The following OR5T1 variants were observed in gnomAD, a reference collection of about 807,000 sequenced individuals.
OR5T1 encodes the protein olfactory receptor family 5 subfamily T member 1.
Under a neutral mutation model 10.1 loss-of-function variants are expected in OR5T1, and 14 were observed. The ratio of observed to expected loss-of-function variants is 1.39; its 90% CI spans 0.92 to 2.18. OR5T1 has a LOEUF of 2.18. Among genes scored for constraint, OR5T1 ranks in the 30% most tolerant of loss-of-function variants. The pLI is 0.00. For missense variants in OR5T1, 461 were observed against 383.9 expected (o/e 1.20, Z -1.68); for synonymous variants, 166 against 141.2 (o/e 1.18, Z -1.24).
At position 56,276,412 on chromosome 11, in the gene OR5T1, T is replaced by C; in HGVS notation, c.774T>C (p.Thr258=). ...KVFSTCGAHL[T]GVTIYHGTIL... Reference sequence around the variant, plus strand: ...TCTCTACATGTGGAGCTCACCTAACTGGAGTGACAATTTATCATGGGACAA... The same window carrying C: ...TCTCTACATGTGGAGCTCACCTAACCGGAGTGACAATTTATCATGGGACAA... The change falls in exon 3 of 3, where the codon ACT becomes ACC. Residue 258 remains threonine (T), a synonymous_variant. Transcript: ENST00000641665. 6.2e-7 allele frequency: 1 copy of C among 1,614,080 alleles called. No individual in the cohort carries two copies. Among genetic ancestry groups the C allele is most frequent in the Non-Finnish European group, 8.5e-7 (1 of 1,179,972 alleles).
chr11:56,275,919 TG>T lies in OR5T1; in HGVS notation c.283del (p.Val95SerfsTer42), dbSNP rs756442491. On this transcript the variant is annotated frameshift_variant, in exon 3 of 3. Transcript: ENST00000641665. LOFTEE classifies it high-confidence loss of function. Reference protein sequence around the residue: ...CYSTVVTPKMLVNFLAKNKSI... With the variant: ...CYSTVVTPKMXVNFLAKNKSI... The stretch of plus-strand genomic sequence containing the variant: ...TCTACAGTTGTCACTCCAAAAATGT[TG>T]GTCAATTTCCTGGCAAAAAATAAAT... 1.2e-6 allele frequency: 2 copies of T among 1,614,206 alleles called. No homozygotes were observed. The highest frequency in any genetic ancestry group is 1.7e-6 in the Non-Finnish European group (2 of 1,180,028).
Position 56,276,452 on chromosome 11 carries a change from G to A in OR5T1, c.814G>A (p.Val272Met), listed in dbSNP as rs1487692017. 5 of 1,613,924 alleles carry A rather than the reference G, an allele frequency of 3.1e-6. No individual in the cohort carries two copies. The highest frequency in any genetic ancestry group is 2.2e-5 in the South Asian group (2 of 91,088). ...TCATGGGACAATCCTCTTCATGTAT[G>A]TGAGACCAAGTTCCAGCTACACTTC... Reference protein sequence around the residue: ...IYHGTILFMYVRPSSSYTSDN... With the variant: ...IYHGTILFMYMRPSSSYTSDN... The change falls in exon 3 of 3, where the codon GTG (valine) becomes ATG (methionine). Residue 272 changes from valine to methionine, a missense_variant. Val to Met is a conservative substitution (Grantham distance 21). Transcript: ENST00000641665.
Position 56,275,701 on chromosome 11 carries a change from C to T in OR5T1, c.63C>T (p.Val21=). The T allele has an allele frequency of 1.9e-6, 3 of 1,606,188 alleles. No individual in the cohort carries two copies. Among genetic ancestry groups the T allele is most frequent in the Non-Finnish European group, 2.6e-6 (3 of 1,174,142 alleles). Residue 21 remains valine (V), a synonymous_variant, in exon 3 of 3, where the codon GTC becomes GTT. Coordinates refer to ENST00000641665, the MANE Select transcript of OR5T1 (RefSeq NM_001004745.2). ...YKLQLNNFTE[V]TMFILISFTE... Reference sequence around the variant, plus strand: ...TTCAATTAAACAATTTTACTGAAGTCACCATGTTTATATTAATAAGCTTCA... The same window carrying T: ...TTCAATTAAACAATTTTACTGAAGTTACCATGTTTATATTAATAAGCTTCA...
intron 2 of OR5T1, 85 bp downstream of exon 2, chr11:56,274,838 ATAAATTT>A (rs1158391978): frequency 6.6e-6 from 1 of 152,014 alleles, no homozygotes; most frequent in Non-Finnish European, 1.5e-5. Context: ...GTCTCAAATG[ATAAATTT>A]TAATATAAGC....
chr11:56,275,757 T>A lies in OR5T1; in HGVS notation c.119T>A (p.Phe40Tyr). 1 of 1,612,254 alleles carries A rather than the reference T, an allele frequency of 6.2e-7. No individual in the cohort carries two copies. Among genetic ancestry groups the A allele is most frequent in the Non-Finnish European group, 8.5e-7 (1 of 1,178,394 alleles). The change falls in exon 3 of 3, where the codon TTT becomes TAT. Residue 40 changes from phenylalanine to tyrosine, a missense_variant. Phe to Tyr is a conservative substitution (Grantham distance 22, BLOSUM62 3). Coordinates refer to ENST00000641665, the MANE Select transcript of OR5T1 (RefSeq NM_001004745.2). ...GAATTTGATGTGCAAGTCTTCCTAT[T>A]TTTATTATTTTTAGCAATCTATCTA... Reference protein sequence around the residue: ...TEEFDVQVFLFLLFLAIYLFT... With the variant: ...TEEFDVQVFLYLLFLAIYLFT...
Position 56,275,665 on chromosome 11 carries a change from T to G in OR5T1, c.27T>G (p.Asp9Glu). Residue 9 changes from aspartate (D) to glutamate (E), a missense_variant, in exon 3 of 3, where the codon GAT becomes GAG. Transcript: ENST00000641665. MSGLPSDM[D>E]LYKLQLNNFT... is the part of the protein sequence containing the mutation. ...TGTCAGGGTTGCCTTCAGATATGGA[T>G]CTATACAAGCTTCAATTAAACAATT... The G allele has an allele frequency of 1.9e-6, 3 of 1,599,234 alleles. No homozygotes were observed. Among genetic ancestry groups the G allele is most frequent in the Non-Finnish European group, 2.6e-6 (3 of 1,174,058 alleles).
At chr11:56,275,369 G>A (rs763077770) in intron 2 of OR5T1, 117 bp from the exon 3 acceptor site, 12 of 295,222 alleles carry the variant, frequency 4.1e-5, no homozygotes, top group Non-Finnish European at 6.7e-5. Context: ...GCGGTGTTTG[G>A]TTTTCGGTTC....
At chr11:56,274,208 T>G (rs1298702077) in intron 1 of OR5T1, 36 bp downstream of exon 1, 1 of 152,176 alleles carries the variant, frequency 6.6e-6, no homozygotes, top group Non-Finnish European at 1.5e-5. Flanking sequence ...TGTAAAATAT[T>G]AAGAAGCTCT....
At position 56,276,138 on chromosome 11, in the gene OR5T1, A is replaced by G. The variant is rs780757382; in HGVS notation, c.500A>G (p.His167Arg). Residue 167 changes from histidine to arginine, a missense_variant, in exon 3 of 3, where the codon CAT becomes CGT. His to Arg is a conservative substitution (Grantham distance 29, BLOSUM62 0). Coordinates refer to ENST00000641665, the MANE Select transcript of OR5T1 (RefSeq NM_001004745.2). ...ITASYVASIL[H>R]ATIHTVATFS... ...GCTTCCTATGTTGCTAGCATTTTAC[A>G]TGCTACTATACATACAGTGGCTACA... The G allele has an allele frequency of 1.5e-5, 24 of 1,614,002 alleles. No homozygotes were observed. Among genetic ancestry groups the G allele is most frequent in the African/African-American group, 2.7e-5 (2 of 74,912 alleles).
At position 56,276,165 on chromosome 11, in the gene OR5T1, T is replaced by G. The variant is rs1213114182; in HGVS notation, c.527T>G (p.Phe176Cys). 6.2e-7 allele frequency: 1 copy of G among 1,614,076 alleles called. No homozygotes were observed. The highest frequency in any genetic ancestry group is 8.5e-7 in the Non-Finnish European group (1 of 1,180,042). ...GCTACTATACATACAGTGGCTACAT[T>G]TAGCCTGTCCTTCTGTGGATCCAAT... ...LHATIHTVAT[F>C]SLSFCGSNEI... The change falls in exon 3 of 3, where the codon TTT (phenylalanine) becomes TGT (cysteine). Residue 176 changes from phenylalanine to cysteine, a missense_variant. Transcript: ENST00000641665.
Position 56,276,494 on chromosome 11 carries a change from G to A in OR5T1, c.856G>A (p.Val286Met). The A allele has an allele frequency of 6.2e-7, 1 of 1,613,592 alleles. No homozygotes were observed. Among genetic ancestry groups the A allele is most frequent in the East Asian group, 2.2e-5 (1 of 44,858 alleles). Residue 286 changes from valine (V) to methionine (M), a missense_variant, in exon 3 of 3, where the codon GTG becomes ATG. By Grantham distance (21) the Val-to-Met change is conservative. Transcript: ENST00000641665. ...CTACACTTCGGACAATGACATGATA[G>A]TGTCAATATTTTATACCATTGTGAT... ...SSYTSDNDMI[V>M]SIFYTIVIPM...
At position 56,276,545 on chromosome 11, in the gene OR5T1, A is replaced by G. The variant is rs201703612; in HGVS notation, c.907A>G (p.Ser303Gly). ...VIPMLNPIIYSLRNKDVKEAI... is the reference protein window; with the variant it reads ...VIPMLNPIIYGLRNKDVKEAI... Reference sequence around the variant, plus strand: ...TCCCATGCTGAATCCCATCATCTACAGTTTGCGGAACAAAGATGTAAAGGA... The same window carrying G: ...TCCCATGCTGAATCCCATCATCTACGGTTTGCGGAACAAAGATGTAAAGGA... Residue 303 changes from serine (S) to glycine (G), a missense_variant, in exon 3 of 3, where the codon AGT becomes GGT. By Grantham distance (56) the Ser-to-Gly change is moderately conservative (BLOSUM62 0). Transcript: ENST00000641665. The G allele has an allele frequency of 1.3e-5, 21 of 1,613,294 alleles. No homozygotes were observed. The highest frequency in any genetic ancestry group is 1.2e-4 in the Admixed American group (7 of 60,000).
chr11:56,275,968 A>G lies in OR5T1; in HGVS notation c.330A>G (p.Ala110=). 1.9e-6 allele frequency: 3 copies of G among 1,614,198 alleles called. No homozygotes were observed. Among genetic ancestry groups the G allele is most frequent in the Non-Finnish European group, 2.5e-6 (3 of 1,180,030 alleles). The change falls in exon 3 of 3, where the codon GCA becomes GCG. Residue 110 remains alanine (A), a synonymous_variant. Transcript: ENST00000641665. ...KNKSISFLGC[A]TQMFLACTFG... ...AATCTATTTCATTTCTTGGATGTGC[A>G]ACACAGATGTTTCTTGCTTGTACTT...
rs1853952120 is a variant in OR5T1 at position 56,276,523 on chromosome 11, C to T, written c.885C>T (p.Pro295=). Residue 295 remains proline, a synonymous_variant, in exon 3 of 3, where the codon CCC becomes CCT. Coordinates refer to ENST00000641665, the MANE Select transcript of OR5T1 (RefSeq NM_001004745.2). The part of the protein sequence containing the change: ...IVSIFYTIVI[P]MLNPIIYSLR... ...CAATATTTTATACCATTGTGATTCC[C>T]ATGCTGAATCCCATCATCTACAGTT... 6.2e-7 allele frequency: 1 copy of T among 1,612,876 alleles called. No homozygotes were observed.
At position 56,275,985 on chromosome 11, in the gene OR5T1, C is replaced by G; in HGVS notation, c.347C>G (p.Ala116Gly). 1 of 1,614,178 alleles carries G rather than the reference C, an allele frequency of 6.2e-7. No homozygotes were observed. Residue 116 changes from alanine (A) to glycine (G), a missense_variant, in exon 3 of 3, where the codon GCT (alanine) becomes GGT (glycine). Physicochemically the swap from Ala to Gly is moderately conservative, Grantham distance 60. Transcript: ENST00000641665. ...FLGCATQMFL[A>G]CTFGTTECFL... is the part of the protein sequence containing the mutation. ...GGATGTGCAACACAGATGTTTCTTG[C>G]TTGTACTTTTGGAACCACAGAATGC...
rs896924568 is a variant in OR5T1, at chr11:56,276,160, T to C, written c.522T>C (p.Ala174=). The C allele has an allele frequency of 2.5e-6, 4 of 1,614,074 alleles. No individual in the cohort carries two copies. The highest frequency in any genetic ancestry group is 1.6e-4 in the Middle Eastern group (1 of 6,084). The change falls in exon 3 of 3, where the codon GCT becomes GCC. Residue 174 remains alanine (A), a synonymous_variant. Transcript: ENST00000641665. ...TACATGCTACTATACATACAGTGGC[T>C]ACATTTAGCCTGTCCTTCTGTGGAT... ...SILHATIHTV[A]TFSLSFCGSN... is the part of the protein sequence containing the mutation.
At position 56,275,921 on chromosome 11, in the gene OR5T1, G is replaced by A. The variant is rs113612396; in HGVS notation, c.283G>A (p.Val95Ile). The change falls in exon 3 of 3, where the codon GTC becomes ATC. Residue 95 changes from valine (V) to isoleucine (I), a missense_variant. By Grantham distance (29) the Val-to-Ile change is conservative. Coordinates refer to ENST00000641665, the MANE Select transcript of OR5T1 (RefSeq NM_001004745.2). ...TACAGTTGTCACTCCAAAAATGTTG[G>A]TCAATTTCCTGGCAAAAAATAAATC... ...YSTVVTPKML[V>I]NFLAKNKSIS... 5.5e-5 allele frequency: 88 copies of A among 1,614,110 alleles called. No individual in the cohort carries two copies. In the African/African-American group the frequency reaches 1.1e-3, roughly 20 times the overall value.
rs1405319292 is a variant in OR5T1 at position 56,274,759 on chromosome 11, T to C, written c.-154+6T>C. The C allele has an allele frequency of 6.7e-6, 1 of 150,004 alleles. No individual in the cohort carries two copies. The highest frequency in any genetic ancestry group is 1.5e-5 in the Non-Finnish European group (1 of 67,694). 9.3% of individuals were successfully genotyped at this position (150,004 alleles called of 1,614,324 possible). The stretch of plus-strand genomic sequence containing the variant: ...CTTGTATCCACCACCATTCTGTAAG[T>C]ACTAATGCAACAGCAGGATAATTGC... On this transcript the variant is annotated splice_donor_region_variant and intron_variant, in intron 2 of 2. Transcript: ENST00000641665.
At position 56,276,070 on chromosome 11, in the gene OR5T1, T is replaced by A; in HGVS notation, c.432T>A (p.Tyr144Ter). The change falls in exon 3 of 3, where the codon TAT (tyrosine) becomes TAA (stop). Residue 144 changes from tyrosine (Y) to a stop codon, truncating the protein, a stop_gained. Transcript: ENST00000641665. LOFTEE classifies it high-confidence loss of function. ...TAGCCATCTACAACCCTCTCCTGTA[T>A]TCAGTGAGCATGTCACCCAGAGTCT... ...RYVAIYNPLL[Y>*]SVSMSPRVYV... The A allele has an allele frequency of 1.2e-6, 2 of 1,614,224 alleles. No individual in the cohort carries two copies. Among genetic ancestry groups the A allele is most frequent in the Non-Finnish European group, 1.7e-6 (2 of 1,180,046 alleles).
Sources: allele counts gnomAD v4.1 joint callset, GRCh38; gene constraint gnomAD v4.1.1; transcripts MANE v1.5; gene names NCBI Gene and HGNC (gene_info 2026-07-23, HGNC 2026-07-21).